The following ABCD3 variants were observed in gnomAD, a reference collection of about 807,000 sequenced individuals.
ABCD3 encodes ATP-binding cassette sub-family D member 3.
ABCD3 carries 41 observed loss-of-function variants against 105.5 expected under a neutral mutation model. That is an observed-to-expected ratio of 0.39 (90% CI 0.30 to 0.50). The LOEUF (loss-of-function observed/expected upper bound fraction) is 0.50. Among genes scored for constraint, ABCD3 ranks in the 20% least tolerant of loss-of-function variants. The pLI is 0.84. For missense variants in ABCD3, 622 were observed against 806.3 expected (o/e 0.77, Z 2.77); for synonymous variants, 258 against 269.0 (o/e 0.96, Z 0.40).
chr1:94,475,066 A>G, intron 5 of ABCD3, 77 bp from the exon 6 acceptor site: 1 of 941,710 alleles, frequency 1.1e-6, no homozygotes, highest in Non-Finnish European at 1.7e-6. Flanking sequence ...GGACACAGGA[A>G]ATAATAGAGA....
intron 1 of ABCD3, among the ~76,000 whole-genome samples, chr1:94,425,043 A>T (rs1245306072): frequency 1.3e-5 from 2 of 152,170 alleles, no homozygotes; most frequent in African/African-American, 4.8e-5. Context: ...TTTTGCTACA[A>T]ATGTAAATGT....
At chr1:94,466,937 A>C (rs1436827286) in intron 3 of ABCD3, among the ~76,000 whole-genome samples, 1 of 152,088 alleles carries the variant, frequency 6.6e-6, no homozygotes, top group African/African-American at 2.4e-5. Flanking sequence ...TATTGTTCCA[A>C]TTTAGAAAAT....
At position 94,498,725 on chromosome 1, in the gene ABCD3, A is replaced by T. The variant is rs1478583471; in HGVS notation, c.1464+46A>T. ...AAATTTTGCAGTCTTATTTTGCCATACTGTCTACCACTTTGTAAATTTTAC... is the reference window on the plus strand; with the variant it reads ...AAATTTTGCAGTCTTATTTTGCCATTCTGTCTACCACTTTGTAAATTTTAC... On this transcript the variant is annotated intron_variant, in intron 17 of 22. Coordinates refer to ENST00000370214, the MANE Select transcript of ABCD3 (RefSeq NM_002858.4). 9 of 1,612,678 alleles carry T rather than the reference A, an allele frequency of 5.6e-6. 1 individual carries two copies. Among genetic ancestry groups the T allele is most frequent in the Admixed American group, 5.0e-5 (3 of 59,920 alleles).
At position 94,489,983 on chromosome 1, in the gene ABCD3, C is replaced by G. The variant is rs1314364735; in HGVS notation, c.1322+8C>G. ...TGCAGATAACATTATAAAGTACGTA[C>G]AGAAAAAGGTCTTTTAGCACCATAA... On this transcript the variant is annotated splice_region_variant and intron_variant, in intron 15 of 22. Coordinates refer to ENST00000370214, the MANE Select transcript of ABCD3 (RefSeq NM_002858.4). 8.1e-6 allele frequency: 13 copies of G among 1,610,694 alleles called. 1 individual carries two copies. The highest frequency in any genetic ancestry group is 1.0e-5 in the Non-Finnish European group (12 of 1,177,222).
At chr1:94,441,636 A>G (rs894134382) in intron 1 of ABCD3, among the ~76,000 whole-genome samples, 2 of 152,340 alleles carry the variant, frequency 1.3e-5, no homozygotes, top group Admixed American at 6.5e-5. Flanking sequence ...TGGTACTTAC[A>G]CACAATGGAG....
chr1:94,506,092 A>AG (rs1191282104), intron 20 of ABCD3, among the ~76,000 whole-genome samples: 3 of 152,228 alleles, frequency 2.0e-5, no homozygotes, highest in Non-Finnish European at 4.4e-5. Context: ...GATATAAAAC[A>AG]GGTACAATAA....
At chr1:94,494,608 G>T (rs980626094) in intron 16 of ABCD3, among the ~76,000 whole-genome samples, 1 of 152,052 alleles carries the variant, frequency 6.6e-6, no homozygotes, top group African/African-American at 2.4e-5. Flanking sequence ...AACAGACTTG[G>T]CCCCTCAAAT....
At chr1:94,407,198 T>C in the ABCD3 span, among the ~76,000 whole-genome samples, 1 of 152,198 alleles carries the variant, frequency 6.6e-6, no homozygotes, top group African/African-American at 2.4e-5. Flanking sequence ...CTGCCCAGGC[T>C]AGAGTGCAAT....
upstream of ABCD3, chr1:94,418,367 C>G (rs1557654908): frequency 1.1e-6 from 1 of 942,288 alleles, no homozygotes. Flanking sequence ...CCTGCGCGGC[C>G]GGCCCCGCCC....
chr1:94,510,941 A>C (rs571334493), intron 21 of ABCD3, among the ~76,000 whole-genome samples: 46 of 152,186 alleles, frequency 3.0e-4, no homozygotes, highest in Middle Eastern at 3.4e-3. Flanking sequence ...TTGACTCCTT[A>C]TCCAATTTGC....
At chr1:94,438,084 C>T (rs576933719) in intron 1 of ABCD3, among the ~76,000 whole-genome samples, 24 of 152,014 alleles carry the variant, frequency 1.6e-4, no homozygotes, top group African/African-American at 4.3e-4. Flanking sequence ...GTCAGGAGAT[C>T]GAGACCATCC....
At chr1:94,489,550 C>G (rs1020793261) in intron 13 of ABCD3, among the ~76,000 whole-genome samples, 175 bp from the exon 14 acceptor site, 2 of 149,008 alleles carry the variant, frequency 1.3e-5, no homozygotes, top group African/African-American at 2.5e-5. Flanking sequence ...TATTCCTGCT[C>G]TCCTACTGAA....
chr1:94,442,940 CTT>C (rs1557664682), intron 1 of ABCD3, among the ~76,000 whole-genome samples: 1 of 151,990 alleles, frequency 6.6e-6, no homozygotes, highest in African/African-American at 2.4e-5. Flanking sequence ...GTGCAGGTAT[CTT>C]TTATATATAT....
At chr1:94,455,195 C>T (rs1386929549) in intron 1 of ABCD3, among the ~76,000 whole-genome samples, 1 of 152,090 alleles carries the variant, frequency 6.6e-6, no homozygotes, top group Non-Finnish European at 1.5e-5. Context: ...TCTTCAACTT[C>T]TGTACTCATA....
intron 20 of ABCD3, among the ~76,000 whole-genome samples, chr1:94,500,729 C>G (rs1650054894): frequency 6.6e-6 from 1 of 151,910 alleles, no homozygotes; most frequent in Admixed American, 6.6e-5. Context: ...GTTGTTTTTC[C>G]CAAAATCATA....
At chr1:94,498,247 T>A (rs1649920847) in intron 16 of ABCD3, among the ~76,000 whole-genome samples, 1 of 152,090 alleles carries the variant, frequency 6.6e-6, no homozygotes, top group Non-Finnish European at 1.5e-5. Context: ...TTATTTTTAT[T>A]TTTTGTAGAG....
At chr1:94,470,100 C>T (rs572666283) in intron 4 of ABCD3, among the ~76,000 whole-genome samples, 5 of 152,170 alleles carry the variant, frequency 3.3e-5, no homozygotes, top group East Asian at 3.9e-4. Context: ...TTTACTTTCT[C>T]GTTTTGGCAG....
In ABCD3 at chr1:94,498,330, C is replaced by A. The variant is rs575553924; in HGVS notation, c.1387-272C>A. On this transcript the variant is annotated intron_variant, in intron 16 of 22. Coordinates refer to ENST00000370214, the MANE Select transcript of ABCD3 (RefSeq NM_002858.4). The stretch of plus-strand genomic sequence containing the variant: ...CAAGCGATCCTCCTGCCTTAGCCTC[C>A]CAAAATGCTGAGATTATGGGTGTGA... Among the ~76,000 whole-genome samples the A allele has an allele frequency of 2.3e-3, 350 of 152,024 alleles. 3 individuals are homozygous for A. The highest frequency in any genetic ancestry group is 7.8e-3 in the African/African-American group (324 of 41,462).
At chr1:94,463,451 A>G (rs1647974771) in intron 2 of ABCD3, among the ~76,000 whole-genome samples, 1 of 152,192 alleles carries the variant, frequency 6.6e-6, no homozygotes, top group African/African-American at 2.4e-5. Flanking sequence ...ATCAAGTTAG[A>G]TATTTATTTA....
Sources: allele counts gnomAD v4.1 joint callset (sites outside exome capture counted in the v4.1 genomes callset), GRCh38; gene constraint gnomAD v4.1.1; transcripts MANE v1.5; gene names NCBI Gene and HGNC (gene_info 2026-07-23, HGNC 2026-07-21).